DSCAML1: variants seen among roughly 807,000 people sequenced by gnomAD.
DSCAML1 encodes DS cell adhesion molecule like 1.
A neutral mutation model predicts 200.5 loss-of-function variants in DSCAML1; 38 were observed. That is an observed-to-expected ratio of 0.19 (90% confidence interval 0.15 to 0.25). The LOEUF is 0.25. Ranked by LOEUF, DSCAML1 falls within the 10% of genes least tolerant of loss-of-function variation. DSCAML1 has a pLI of 1.00. For synonymous variants in DSCAML1, 1,215 were observed against 1,165.0 expected, an observed-to-expected ratio of 1.04 and a Z score of -0.87; for missense variants, 2,223 against 2,858.8, an observed-to-expected ratio of 0.78 and a Z score of 5.07.
At chr11:117,688,911 T>A (rs193031569) in intron 3 of DSCAML1, among the ~76,000 whole-genome samples, 1 of 152,334 alleles carries the variant, frequency 6.6e-6, no homozygotes, top group East Asian at 1.9e-4. Flanking sequence ...ATACTCTCCA[T>A]GGAAAGTGAG....
intron 3 of DSCAML1, among the ~76,000 whole-genome samples, chr11:117,690,284 T>C (rs1439896626): frequency 1.3e-5 from 2 of 152,252 alleles, no homozygotes; most frequent in Non-Finnish European, 2.9e-5. Context: ...GTTCCAGTCC[T>C]GGGCTCTGAG....
intron 3 of DSCAML1, among the ~76,000 whole-genome samples, chr11:117,768,257 G>A (rs1480619159): frequency 6.6e-6 from 1 of 152,196 alleles, no homozygotes; most frequent in Non-Finnish European, 1.5e-5. Context: ...CAAGGTACTA[G>A]TGAATCTAGA....
intron 20 of DSCAML1, among the ~76,000 whole-genome samples, chr11:117,450,028 C>T (rs1003670489): frequency 1.3e-5 from 2 of 152,218 alleles, no homozygotes; most frequent in Non-Finnish European, 2.9e-5. Context: ...TCTCAATCCT[C>T]TCCTCTCGCC....
chr11:117,564,868 C>T (rs1214785598), intron 3 of DSCAML1, among the ~76,000 whole-genome samples: 1 of 151,956 alleles, frequency 6.6e-6, no homozygotes, highest in Non-Finnish European at 1.5e-5. Context: ...TGGGTTCAAG[C>T]GATTCCACTG....
At chr11:117,461,405 T>A in intron 18 of DSCAML1, 45 bp downstream of exon 18, 1 of 1,613,044 alleles carries the variant, frequency 6.2e-7, no homozygotes, top group Non-Finnish European at 8.5e-7. Context: ...TCCACTGACC[T>A]GCGCCTCTCC....
intron 3 of DSCAML1, among the ~76,000 whole-genome samples, chr11:117,601,344 C>A: frequency 6.6e-6 from 1 of 152,114 alleles, no homozygotes; most frequent in East Asian, 1.9e-4. Flanking sequence ...TTGAAGACCA[C>A]CAGGGTGTGT....
Position 117,780,711 on chromosome 11 carries a change from G to A in DSCAML1, c.146C>T (p.Ala49Val). The A allele has an allele frequency of 6.3e-7, 1 of 1,579,654 alleles. No individual in the cohort carries two copies. The highest frequency in any genetic ancestry group is 8.6e-7 in the Non-Finnish European group (1 of 1,161,812). The change falls in exon 2 of 33, where the codon GCC becomes GTC. Residue 49 changes from alanine to valine, a missense_variant. This residue lies in a region of DSCAML1 where 579 missense variants were observed against 721.5 expected (regional missense o/e 0.80). Transcript: ENST00000651296. This position sits in a 1 kb window ranked among gnomAD's most constrained non-coding sequence, Gnocchi z 4.8. ...SSVGVVVPCP[A>V]AGSPSAALRW... ...AAGGGCCGCGCTGGGGGAGCCCGCGGCCGGGCAGGGCACCACCACCCCCAC... is the reference window on the plus strand; with the variant it reads ...AAGGGCCGCGCTGGGGGAGCCCGCGACCGGGCAGGGCACCACCACCCCCAC...
chr11:117,456,707 C>A (rs550298135), intron 19 of DSCAML1, among the ~76,000 whole-genome samples: 6 of 149,208 alleles, frequency 4.0e-5, no homozygotes, highest in Admixed American at 1.3e-4. Context: ...TGGAGTCTCG[C>A]TCTGTCACCC....
intron 3 of DSCAML1, among the ~76,000 whole-genome samples, chr11:117,643,106 G>GT (rs1227227008): frequency 1.1e-4 from 16 of 152,222 alleles, no homozygotes; most frequent in Admixed American, 9.2e-4. Flanking sequence ...ATGTCTCCTT[G>GT]TTTCCATGTA....
At chr11:117,588,480 T>A (rs2051193833) in intron 3 of DSCAML1, among the ~76,000 whole-genome samples, 1 of 151,988 alleles carries the variant, frequency 6.6e-6, no homozygotes, top group Non-Finnish European at 1.5e-5. Context: ...GTTGACAAAG[T>A]CCCCTCCCCT....
In DSCAML1 at chr11:117,428,314, T is replaced by G; in HGVS notation, c.*14A>C. On this transcript the variant is annotated 3_prime_UTR_variant, in exon 33 of 33. Transcript: ENST00000651296. ...CGCGGCGCGGTCCAGGCGTGGCTGC[T>G]CTTCCTGCGGGCCCTACACCAGGGT... 1 of 1,434,060 alleles carries G rather than the reference T, an allele frequency of 7.0e-7. No homozygotes were observed. Among genetic ancestry groups the G allele is most frequent in the Non-Finnish European group, 9.7e-7 (1 of 1,030,492 alleles). 88.8% of individuals were successfully genotyped at this position (1,434,060 alleles called of 1,614,324 possible).
rs367881381 is a variant in DSCAML1 at position 117,460,919 on chromosome 11, T to C, written c.3412+531A>G. 1.0e-3 allele frequency among the ~76,000 whole-genome samples: 155 copies of C among 152,100 alleles called. 1 individual carries two copies. The highest frequency in any genetic ancestry group is 3.7e-3 in the African/African-American group (152 of 41,488). ...GCTTCCTCCCTCTCCCCCTTGGCCT[T>C]AGGTGTTGATGGCTTCCTGCTGATG... On this transcript the variant is annotated intron_variant, in intron 18 of 32. Transcript: ENST00000651296.
intron 3 of DSCAML1, among the ~76,000 whole-genome samples, chr11:117,652,949 C>T (rs894477563): frequency 2.6e-5 from 4 of 152,186 alleles, no homozygotes; most frequent in Admixed American, 2.6e-4. Flanking sequence ...GTTAGCTTTG[C>T]CTTCTCTCTC....
intron 3 of DSCAML1, among the ~76,000 whole-genome samples, chr11:117,619,610 A>G (rs1274813305): frequency 6.6e-6 from 1 of 152,254 alleles, no homozygotes; most frequent in African/African-American, 2.4e-5. Context: ...TGAATTATGG[A>G]TAACATATTT....
intron 1 of DSCAML1, among the ~76,000 whole-genome samples, chr11:117,809,077 G>A (rs1378531074): frequency 6.6e-6 from 1 of 152,212 alleles, no homozygotes; most frequent in East Asian, 1.9e-4. Context: ...CATTTCCACT[G>A]CGAAGCTTGA....
In DSCAML1 at chr11:117,642,694, A is replaced by G. The variant is rs1225883653; in HGVS notation, c.512-110172T>C. 3.3e-5 allele frequency among the ~76,000 whole-genome samples: 5 copies of G among 152,174 alleles called. No homozygotes were observed. Among genetic ancestry groups the G allele is most frequent in the Admixed American group, 2.0e-4 (3 of 15,290 alleles). The stretch of plus-strand genomic sequence containing the variant: ...GTGGCTCCTGGCTGCTTCTTGGGCC[A>G]GTGGATTGTCACGATCCTGGCTCAG... On this transcript the variant is annotated intron_variant, in intron 3 of 32. Coordinates refer to ENST00000651296, the MANE Select transcript of DSCAML1 (RefSeq NM_020693.4). The surrounding 1 kb of genome is among the most constrained non-coding windows in gnomAD (Gnocchi z 4.1).
chr11:117,585,070 T>A (rs966935915), intron 3 of DSCAML1, among the ~76,000 whole-genome samples: 2 of 152,190 alleles, frequency 1.3e-5, no homozygotes, highest in Non-Finnish European at 2.9e-5. Flanking sequence ...TCTGTCCAGA[T>A]TATCCTTGTA....
Position 117,498,652 on chromosome 11 carries a change from C to T in DSCAML1, c.2359+5193G>A, listed in dbSNP as rs1302308441. Among the ~76,000 whole-genome samples, 4 of 152,260 alleles carry T rather than the reference C, an allele frequency of 2.6e-5. No homozygotes were observed. The East Asian group carries it at 7.7e-4, about 29-fold the overall frequency. ...AAGTTTTGCATCCTGACCTCAGTCC[C>T]AGTGGCCAATCATGGTGGGTGACCT... On this transcript the variant is annotated intron_variant, in intron 11 of 32. Coordinates refer to ENST00000651296, the MANE Select transcript of DSCAML1 (RefSeq NM_020693.4). This position sits in a 1 kb window ranked among gnomAD's most constrained non-coding sequence, Gnocchi z 4.0.
intron 1 of DSCAML1, among the ~76,000 whole-genome samples, chr11:117,802,494 C>T (rs1166711271): frequency 2.0e-5 from 3 of 152,206 alleles, no homozygotes; most frequent in Non-Finnish European, 4.4e-5. Flanking sequence ...ACCAGATGGG[C>T]TCATTCTTAT....
Sources: gnomAD v4.1 joint callset for allele counts (sites outside exome capture counted in the v4.1 genomes callset) on GRCh38, gnomAD v4.1.1 for gene constraint, gnomAD v4.1.1 regional missense constraint, Gnocchi (gnomAD v3.1) non-coding constraint, MANE v1.5 for transcripts, NCBI Gene and HGNC (gene_info 2026-07-23, HGNC 2026-07-21) for gene names.